GLRA2: variants seen among roughly 807,000 people sequenced by gnomAD.
GLRA2 encodes the protein glycine receptor alpha 2.
Under a neutral mutation model 31.6 loss-of-function variants are expected in GLRA2, and 11 were observed. The ratio of observed to expected loss-of-function variants is 0.35; its 90% CI spans 0.22 to 0.58. The LOEUF is 0.58. Among genes scored for constraint, GLRA2 ranks in the 20% least tolerant of loss-of-function variants. GLRA2 has a pLI of 0.84. For synonymous variants in GLRA2, 132 were observed against 134.0 expected, an observed-to-expected ratio of 0.99 and a Z score of 0.10; for missense variants, 212 against 351.8, an observed-to-expected ratio of 0.60 and a Z score of 3.18.
At chrX:14,662,857 C>T (rs1157999941) in intron 7 of GLRA2, among the ~76,000 whole-genome samples, 1 of 111,305 alleles carries the variant, frequency 9.0e-6, no homozygotes, top group African/African-American at 3.3e-5. Context: ...TGCACATTTC[C>T]TGTTAAGTTT....
chrX:14,576,207 C>G (rs1741127073), intron 3 of GLRA2, among the ~76,000 whole-genome samples: 1 of 111,005 alleles, frequency 9.0e-6, no homozygotes, highest in African/African-American at 3.3e-5. Context: ...TTTCCACTGG[C>G]AAAATTAGAC....
chrX:14,681,910 A>AAAAATAT (rs758563376), intron 7 of GLRA2, among the ~76,000 whole-genome samples: 7 of 41,278 alleles, frequency 1.7e-4, no homozygotes, highest in African/African-American at 8.5e-4. Flanking sequence ...AAAAAAAAAA[A>AAAAATAT]ATATATATAT....
the GLRA2 span, among the ~76,000 whole-genome samples, chrX:14,488,098 C>T: frequency 1.8e-5 from 2 of 111,572 alleles, no homozygotes; most frequent in Admixed American, 9.5e-5. Flanking sequence ...CTCCCCTCAT[C>T]TCTTGAGTCT....
chrX:14,596,375 T>A (rs1020055271), intron 4 of GLRA2, among the ~76,000 whole-genome samples: 14 of 111,252 alleles, frequency 1.3e-4, no homozygotes, highest in Non-Finnish European at 2.1e-4. Flanking sequence ...ACATCTACCA[T>A]ATTCTTGGTT....
chrX:14,630,995 C>A (rs1396780076), intron 7 of GLRA2, among the ~76,000 whole-genome samples: 1 of 110,075 alleles, frequency 9.1e-6, no homozygotes, highest in Non-Finnish European at 1.9e-5. Flanking sequence ...ATAAGGGCAC[C>A]TAATTCCATT....
intron 7 of GLRA2, among the ~76,000 whole-genome samples, chrX:14,611,511 TAG>T (rs2090397566): frequency 8.8e-6 from 1 of 113,148 alleles, no homozygotes; most frequent in East Asian, 2.8e-4. Context: ...CTTAGATATT[TAG>T]AGTTTTCTTT....
chrX:14,694,166 G>T (rs2091406104), intron 8 of GLRA2, among the ~76,000 whole-genome samples: 2 of 111,877 alleles, frequency 1.8e-5, no homozygotes, highest in South Asian at 7.4e-4. Context: ...ATCAGCATTT[G>T]GGAAGAACCA....
chrX:14,614,176 G>C (rs1334923764), intron 7 of GLRA2, among the ~76,000 whole-genome samples: 3 of 111,050 alleles, frequency 2.7e-5, no homozygotes, highest in Non-Finnish European at 5.7e-5. Context: ...TCATGTTGCT[G>C]ACTTCACCAT....
intron 8 of GLRA2, among the ~76,000 whole-genome samples, chrX:14,720,143 T>A (rs2091846658): frequency 9.0e-6 from 1 of 111,115 alleles, no homozygotes; most frequent in African/African-American, 3.3e-5. Flanking sequence ...CAGTAAACAA[T>A]AATTTATTGT....
chrX:14,494,332 G>A, the GLRA2 span, among the ~76,000 whole-genome samples: 1 of 111,781 alleles, frequency 8.9e-6, no homozygotes, highest in Admixed American at 9.5e-5. Flanking sequence ...ATATACTTCA[G>A]TATTATGTGG....
intron 8 of GLRA2, among the ~76,000 whole-genome samples, chrX:14,722,660 A>G (rs548171031): frequency 2.0e-4 from 22 of 111,708 alleles, no homozygotes; most frequent in South Asian, 7.5e-4. Context: ...TGACTTCTAT[A>G]TGACATATGG....
chrX:14,623,886 C>T (rs1323617120), intron 7 of GLRA2, among the ~76,000 whole-genome samples: 1 of 111,879 alleles, frequency 8.9e-6, no homozygotes, highest in African/African-American at 3.3e-5. Context: ...AGAGGATTCC[C>T]TCTTTTTCTA....
At chrX:14,693,018 T>C (rs1159071602) in intron 8 of GLRA2, among the ~76,000 whole-genome samples, 4 of 106,492 alleles carry the variant, frequency 3.8e-5, no homozygotes. Flanking sequence ...ATTGTGCACA[T>C]GTACCCTAAA....
chrX:14,666,442 T>C (rs776015166), intron 7 of GLRA2, among the ~76,000 whole-genome samples: 30 of 112,056 alleles, frequency 2.7e-4, no homozygotes, highest in Middle Eastern at 4.6e-3. Flanking sequence ...CCCTCTCTGA[T>C]AGCATTGATG....
chrX:14,560,417 G>A (rs1300059090), intron 2 of GLRA2, among the ~76,000 whole-genome samples: 1 of 112,012 alleles, frequency 8.9e-6, no homozygotes, highest in Non-Finnish European at 1.9e-5. Flanking sequence ...TAACTAAGGA[G>A]AACTAACAAA....
At chrX:14,486,511 A>G in the GLRA2 span, among the ~76,000 whole-genome samples, 35 of 112,023 alleles carry the variant, frequency 3.1e-4, no homozygotes, top group African/African-American at 1.0e-3. Context: ...TCTGGAATAT[A>G]TAAAAATATC....
At chrX:14,709,685 G>A (rs1224910581) in intron 8 of GLRA2, among the ~76,000 whole-genome samples, 3 of 111,924 alleles carry the variant, frequency 2.7e-5, no homozygotes, top group Non-Finnish European at 5.6e-5. Flanking sequence ...CCAGAATAAT[G>A]GAGCATAGAC....
upstream of GLRA2, among the ~76,000 whole-genome samples, chrX:14,524,469 G>A (rs969420931): frequency 8.9e-6 from 1 of 111,862 alleles, no homozygotes; most frequent in African/African-American, 3.2e-5. Context: ...CTCTAACAAC[G>A]AAAGATTTGG....
At chrX:14,600,544 T>G (rs969522186) in intron 4 of GLRA2, among the ~76,000 whole-genome samples, 2 of 111,438 alleles carry the variant, frequency 1.8e-5, no homozygotes, top group Non-Finnish European at 3.8e-5. Context: ...TTTAATTTTT[T>G]GAATTGTAAA....
Sources: gnomAD v4.1 joint callset for allele counts (sites outside exome capture counted in the v4.1 genomes callset) on GRCh38, gnomAD v4.1.1 for gene constraint, MANE v1.5 for transcripts, NCBI Gene and HGNC (gene_info 2026-07-23, HGNC 2026-07-21) for gene names.